HNRNPM: variants seen among roughly 807,000 people sequenced by gnomAD.
The protein encoded by HNRNPM is heterogeneous nuclear ribonucleoprotein M.
Under a neutral mutation model 73.1 loss-of-function variants are expected in HNRNPM, and 11 were observed. The observed-to-expected ratio is 0.15, with a 90% confidence interval of 0.09 to 0.25. The LOEUF is 0.25. Ranked by LOEUF, HNRNPM falls within the 10% of genes least tolerant of loss-of-function variation. The pLI is 1.00. For missense variants in HNRNPM, 789 were observed against 1,067.9 expected, an observed-to-expected ratio of 0.74 and a Z score of 3.64; for synonymous variants, 407 against 355.2, an observed-to-expected ratio of 1.15 and a Z score of -1.64.
At chr19:8,488,503 T>TG (rs1971478221) in intron 15 of HNRNPM, 188 bp from the exon 16 acceptor site, 1 of 472,978 alleles carries the variant, frequency 2.1e-6, no homozygotes, top group African/African-American at 1.9e-5. Context: ...AGGCTTTTCA[T>TG]GGGGCAGGGG....
At chr19:8,452,452 A>C (rs1426569832) in intron 1 of HNRNPM, among the ~76,000 whole-genome samples, 1 of 152,158 alleles carries the variant, frequency 6.6e-6, no homozygotes, top group Non-Finnish European at 1.5e-5. Flanking sequence ...AAAGAGTAGG[A>C]GATGATTTGG....
In HNRNPM at chr19:8,486,390, G is replaced by C; in HGVS notation, c.1962G>C (p.Gln654His). The change falls in exon 14 of 16, where the codon CAG becomes CAC. Residue 654 changes from glutamine to histidine, a missense_variant. Physicochemically the swap from Gln to His is conservative, Grantham distance 24. Coordinates refer to ENST00000325495, the MANE Select transcript of HNRNPM (RefSeq NM_005968.5). ...HAPGVARKAC[Q>H]IFVRNLPFDF... ...CTGGGGTGGCCAGGAAGGCCTGCCA[G>C]ATATTTGTGAGAAATGTAAGTGGCT... The C allele has an allele frequency of 6.4e-7, 1 of 1,567,480 alleles. No individual in the cohort carries two copies. Among genetic ancestry groups the C allele is most frequent in the Non-Finnish European group, 8.6e-7 (1 of 1,163,358 alleles).
chr19:8,476,816 A>G (rs1970539625), intron 12 of HNRNPM, among the ~76,000 whole-genome samples: 1 of 152,172 alleles, frequency 6.6e-6, no homozygotes, highest in South Asian at 2.1e-4. Flanking sequence ...GAAGGAGAGC[A>G]GCAGAACTCC....
intron 2 of HNRNPM, among the ~76,000 whole-genome samples, chr19:8,460,994 A>G (rs77347397): frequency 0.04 from 6,121 of 152,302 alleles, 275 homozygotes; most frequent in African/African-American, 0.11. Context: ...GCCGCTTTGT[A>G]CAACTGTCCC....
intron 5 of HNRNPM, 132 bp from the exon 6 acceptor site, chr19:8,465,192 T>C (rs1969661228): frequency 1.4e-6 from 1 of 713,996 alleles, no homozygotes; most frequent in Non-Finnish European, 2.3e-6. Context: ...TTGACTTTCT[T>C]GTTAATAGAT....
chr19:8,457,006 G>A (rs1415492923), intron 2 of HNRNPM, among the ~76,000 whole-genome samples: 4 of 152,164 alleles, frequency 2.6e-5, no homozygotes, highest in South Asian at 2.1e-4. Context: ...GGCCTCATTC[G>A]AATTAGCTTT....
intron 2 of HNRNPM, among the ~76,000 whole-genome samples, chr19:8,460,786 G>A (rs546755633): frequency 1.3e-5 from 2 of 152,264 alleles, no homozygotes; most frequent in Admixed American, 1.3e-4. Flanking sequence ...AGGTTATTAG[G>A]TGGTAGTCAT....
intron 9 of HNRNPM, among the ~76,000 whole-genome samples, chr19:8,471,110 C>T (rs559502136): frequency 2.3e-4 from 35 of 152,046 alleles, no homozygotes; most frequent in African/African-American, 7.5e-4. Context: ...TGGTTTTCAG[C>T]CGCCTTTGTT....
At position 8,458,728 on chromosome 19, in the gene HNRNPM, C is replaced by T. The variant is rs117811610; in HGVS notation, c.283+3154C>T. ...ACTTAATCCTTCTGTTAGTATAATA[C>T]ACCACTTTAAGTAAATTTCAAATTG... On this transcript the variant is annotated intron_variant, in intron 2 of 15. Transcript: ENST00000325495. 3.9e-4 allele frequency among the ~76,000 whole-genome samples: 59 copies of T among 152,346 alleles called. No homozygotes were observed. The East Asian group carries it at 9.8e-3, about 25-fold the overall frequency.
chr19:8,449,040 G>A (rs1235223326), intron 1 of HNRNPM, among the ~76,000 whole-genome samples: 1 of 152,162 alleles, frequency 6.6e-6, no homozygotes, highest in Non-Finnish European at 1.5e-5. Context: ...GTAAACAGCC[G>A]TTTGAATTGT....
chr19:8,479,671 T>C (rs36113035), intron 12 of HNRNPM, among the ~76,000 whole-genome samples: 88,441 of 150,526 alleles, frequency 0.59, 27,567 homozygotes, highest in Admixed American at 0.71. Flanking sequence ...TACAAATTCC[T>C]GGGCTCAAGT....
At chr19:8,475,466 C>T (rs1425786866) in intron 12 of HNRNPM, among the ~76,000 whole-genome samples, 1 of 152,188 alleles carries the variant, frequency 6.6e-6, no homozygotes. Flanking sequence ...TGCGGGTCTG[C>T]CATAACAAAG....
intron 2 of HNRNPM, among the ~76,000 whole-genome samples, chr19:8,457,769 G>C (rs983172266): frequency 6.6e-6 from 1 of 152,172 alleles, no homozygotes; most frequent in Non-Finnish European, 1.5e-5. Flanking sequence ...TACAAAAAAT[G>C]TTTAAGTGGT....
intron 10 of HNRNPM, among the ~76,000 whole-genome samples, chr19:8,471,984 A>G (rs1970173813): frequency 6.6e-6 from 1 of 152,172 alleles, no homozygotes; most frequent in Admixed American, 6.5e-5. Context: ...CATCCTGGCC[A>G]ACATGGTGAA....
At chr19:8,463,795 C>G in intron 5 of HNRNPM, 109 bp downstream of exon 5, 1 of 714,608 alleles carries the variant, frequency 1.4e-6, no homozygotes, top group Non-Finnish European at 2.4e-6. Flanking sequence ...AAAGCAAGTG[C>G]CAGCCTGTTG....
chr19:8,445,265 C>T (rs1968056121), intron 1 of HNRNPM, 154 bp downstream of exon 1: 4 of 594,900 alleles, frequency 6.7e-6, no homozygotes, highest in Non-Finnish European at 1.0e-5. Context: ...GCGTCTAGGG[C>T]CGTGAGCGGG....
intron 2 of HNRNPM, among the ~76,000 whole-genome samples, chr19:8,461,485 G>C (rs1005282125): frequency 2.6e-5 from 4 of 152,114 alleles, no homozygotes; most frequent in African/African-American, 9.7e-5. Context: ...GTTTTCTCCA[G>C]GGTAACACTT....
chr19:8,477,751 C>T (rs1970620315), intron 12 of HNRNPM, among the ~76,000 whole-genome samples: 1 of 151,594 alleles, frequency 6.6e-6, no homozygotes, highest in South Asian at 2.1e-4. Flanking sequence ...GATGCAGCCA[C>T]TGCAGTTGTC....
At chr19:8,485,462 A>G (rs1971208693) in intron 13 of HNRNPM, 141 bp from the exon 14 acceptor site, 2 of 854,470 alleles carry the variant, frequency 2.3e-6, no homozygotes, top group Admixed American at 2.3e-5. Flanking sequence ...GCTGTTGTCA[A>G]CATTTGAGGG....
Sources: allele counts gnomAD v4.1 joint callset (sites outside exome capture counted in the v4.1 genomes callset), GRCh38; gene constraint gnomAD v4.1.1; transcripts MANE v1.5; gene names NCBI Gene and HGNC (gene_info 2026-07-23, HGNC 2026-07-21).